The following FNDC3B variants were observed in gnomAD, a reference collection of about 807,000 sequenced individuals.
FNDC3B encodes the protein fibronectin type III domain containing 3B, also known as fibronectin type III domain-containing protein 3B.
Under a neutral mutation model 151.5 loss-of-function variants are expected in FNDC3B, and 12 were observed. The observed-to-expected ratio is 0.08, with a 90% CI of 0.05 to 0.13. The LOEUF (loss-of-function observed/expected upper bound fraction) is 0.13, where lower values mean the gene tolerates loss of function less well. FNDC3B is among the 10% of genes least tolerant of loss of function. The probability of loss-of-function intolerance (pLI) is 1.00; values close to 1 mark genes in which losing one functional copy is unlikely to be tolerated. For missense variants in FNDC3B, 1,214 were observed against 1,505.3 expected (o/e 0.81, Z 3.20); for synonymous variants, 528 against 549.0 (o/e 0.96, Z 0.54).
rs1731299527 is a variant in FNDC3B, at chr3:172,308,378, C to A, written c.1200+877C>A. The stretch of plus-strand genomic sequence containing the variant: ...CTCTATAGCAGTTATTTCTCTACAT[C>A]AATATTTTAAAATATAATTTAAAAT... On this transcript the variant is annotated intron_variant, in intron 10 of 25. Coordinates refer to ENST00000415807, the MANE Select transcript of FNDC3B (RefSeq NM_022763.4). Among the ~76,000 whole-genome samples the A allele has an allele frequency of 3.3e-5, 5 of 151,976 alleles. No homozygotes were observed. The South Asian group carries it at 1.0e-3, about 32-fold the overall frequency.
chr3:172,388,762 T>C (rs1240534824), intron 25 of FNDC3B, among the ~76,000 whole-genome samples: 2 of 152,188 alleles, frequency 1.3e-5, no homozygotes, highest in African/African-American at 2.4e-5. Context: ...CTGCAAGTCC[T>C]GTATTTGTAG....
At chr3:172,312,289 G>C (rs540716403) in intron 11 of FNDC3B, among the ~76,000 whole-genome samples, 1 of 152,136 alleles carries the variant, frequency 6.6e-6, no homozygotes, top group Non-Finnish European at 1.5e-5. Context: ...GGATCGTTTC[G>C]AATAGCTTGT....
rs563303419 is a variant in FNDC3B at position 172,099,044 on chromosome 3, G to A, written c.-28-13408G>A. Among the ~76,000 whole-genome samples the A allele has an allele frequency of 1.9e-4, 29 of 152,292 alleles. No homozygotes were observed. In the South Asian group the frequency reaches 2.3e-3, roughly 12 times the overall value. The stretch of plus-strand genomic sequence containing the variant: ...GTGACTGGCTAGAGCAAACGCCTTC[G>A]CAAAGAAAGATATTTTGGAGTTCCA... On this transcript the variant is annotated intron_variant, in intron 1 of 25. Coordinates refer to ENST00000415807, the MANE Select transcript of FNDC3B (RefSeq NM_022763.4).
chr3:172,050,637 G>C (rs187104417), intron 1 of FNDC3B, among the ~76,000 whole-genome samples: 6 of 151,964 alleles, frequency 3.9e-5, no homozygotes, highest in African/African-American at 1.2e-4. Flanking sequence ...ACCTGCCTCA[G>C]CCTCCCAAAG....
intron 4 of FNDC3B, among the ~76,000 whole-genome samples, 177 bp from the exon 5 acceptor site, chr3:172,247,356 T>C (rs1380079395): frequency 6.6e-6 from 1 of 152,242 alleles, no homozygotes; most frequent in African/African-American, 2.4e-5. Flanking sequence ...TATAGTTACA[T>C]GTTATTACTT....
intron 2 of FNDC3B, among the ~76,000 whole-genome samples, chr3:172,126,206 C>T (rs1281031724): frequency 3.9e-5 from 6 of 152,098 alleles, no homozygotes; most frequent in East Asian, 1.9e-4. Context: ...AAACTGGCTC[C>T]GAATTCAACG....
At chr3:172,048,910 A>T (rs1453976634) in intron 1 of FNDC3B, among the ~76,000 whole-genome samples, 3 of 152,242 alleles carry the variant, frequency 2.0e-5, no homozygotes, top group Non-Finnish European at 2.9e-5. Flanking sequence ...TAGGATAGGT[A>T]AATTCATAGA....
chr3:172,338,709 C>T (rs531553079), intron 16 of FNDC3B, among the ~76,000 whole-genome samples: 1 of 152,288 alleles, frequency 6.6e-6, no homozygotes, highest in South Asian at 2.1e-4. Context: ...AATAATCTCT[C>T]TAACTATTAA....
At chr3:172,240,132 G>A (rs12636623) in intron 4 of FNDC3B, among the ~76,000 whole-genome samples, 14 of 152,050 alleles carry the variant, frequency 9.2e-5, no homozygotes, top group African/African-American at 3.4e-4. Flanking sequence ...CGGCCTCCCA[G>A]AGTGCTGGGA....
intron 12 of FNDC3B, chr3:172,330,215 C>G (rs1732572201): frequency 5.4e-6 from 1 of 186,568 alleles, no homozygotes; most frequent in Non-Finnish European, 1.1e-5. Flanking sequence ...CTCCTTAAAT[C>G]TTCTCTAACT....
chr3:172,257,303 T>C (rs7640303), intron 6 of FNDC3B, among the ~76,000 whole-genome samples: 4,667 of 152,284 alleles, frequency 0.031, 251 homozygotes, highest in African/African-American at 0.11. Flanking sequence ...AGAGTGAGGA[T>C]GTCTTTTTCA....
At chr3:172,058,428 C>T (rs1717023513) in intron 1 of FNDC3B, among the ~76,000 whole-genome samples, 1 of 150,312 alleles carries the variant, frequency 6.7e-6, no homozygotes, top group African/African-American at 2.4e-5. Context: ...CTGTTATGTC[C>T]TTTAAGAATG....
chr3:172,297,534 G>A (rs1271243965), intron 8 of FNDC3B, among the ~76,000 whole-genome samples: 2 of 152,030 alleles, frequency 1.3e-5, no homozygotes, highest in Non-Finnish European at 2.9e-5. Flanking sequence ...GAGTGCAGTG[G>A]CACTATCTTG....
intron 4 of FNDC3B, among the ~76,000 whole-genome samples, chr3:172,231,317 G>C (rs7644098): frequency 0.27 from 40,615 of 152,046 alleles, 5,557 homozygotes; most frequent in East Asian, 0.44. Context: ...AGTTAATGGG[G>C]TATGCTGTTT....
intron 1 of FNDC3B, among the ~76,000 whole-genome samples, chr3:172,101,016 A>T (rs1017672890): frequency 6.6e-6 from 1 of 152,214 alleles, no homozygotes; most frequent in Non-Finnish European, 1.5e-5. Context: ...GTTTAATGGT[A>T]CAGATTCTTT....
At chr3:172,145,028 A>G in intron 3 of FNDC3B, among the ~76,000 whole-genome samples, 1 of 151,982 alleles carries the variant, frequency 6.6e-6, no homozygotes, top group East Asian at 1.9e-4. Flanking sequence ...TTTGAAGAGA[A>G]AAGATTATTT....
At chr3:172,194,137 G>A (rs531323443) in intron 3 of FNDC3B, among the ~76,000 whole-genome samples, 6 of 152,158 alleles carry the variant, frequency 3.9e-5, no homozygotes, top group Admixed American at 6.5e-5. Flanking sequence ...GGAGAACGGC[G>A]TGAACCCGGG....
At chr3:172,330,334 G>C (rs1732579340) in intron 12 of FNDC3B, 1 of 482,058 alleles carries the variant, frequency 2.1e-6, no homozygotes, top group African/African-American at 2.0e-5. Flanking sequence ...GTGACTTGGT[G>C]TGTGTGTCTA....
chr3:172,092,985 C>CT (rs1281343873), intron 1 of FNDC3B, among the ~76,000 whole-genome samples: 2 of 151,940 alleles, frequency 1.3e-5, no homozygotes, highest in Non-Finnish European at 2.9e-5. Context: ...CACCTGGCTA[C>CT]TTTTTTATTT....
Sources: gnomAD v4.1 joint callset for allele counts (sites outside exome capture counted in the v4.1 genomes callset) on GRCh38, gnomAD v4.1.1 for gene constraint, MANE v1.5 for transcripts, NCBI Gene and HGNC (gene_info 2026-07-23, HGNC 2026-07-21) for gene names.